The following ATP13A4 variants were observed in gnomAD, a reference collection of about 807,000 sequenced individuals.
The protein encoded by ATP13A4 is ATPase 13A4, also known as probable cation-transporting ATPase 13A4.
A neutral mutation model predicts 142.5 loss-of-function variants in ATP13A4; 114 were observed. The ratio of observed to expected loss-of-function variants is 0.80; its 90% CI spans 0.69 to 0.93. The LOEUF (loss-of-function observed/expected upper bound fraction) is 0.93, where lower values mean the gene tolerates loss of function less well. ATP13A4 is among the 40% of genes least tolerant of loss of function. The pLI is 0.00. For synonymous variants in ATP13A4, 488 were observed against 514.8 expected, an observed-to-expected ratio of 0.95 and a Z score of 0.70; for missense variants, 1,392 against 1,454.0, an observed-to-expected ratio of 0.96 and a Z score of 0.69.
intron 8 of ATP13A4, among the ~76,000 whole-genome samples, chr3:193,478,403 G>A (rs1432540290): frequency 6.6e-6 from 1 of 151,834 alleles, no homozygotes; most frequent in Non-Finnish European, 1.5e-5. Context: ...AAAGAAGACA[G>A]AAGATCCAAA....
chr3:193,438,702 C>A, intron 22 of ATP13A4, 118 bp from the exon 23 acceptor site: 1 of 859,154 alleles, frequency 1.2e-6, no homozygotes, highest in Non-Finnish European at 1.9e-6. Context: ...AAACTCTAAC[C>A]AAGAGACTTA....
At chr3:193,440,676 A>C (rs1168944534) in intron 20 of ATP13A4, 39 bp from the exon 21 acceptor site, 1 of 1,594,942 alleles carries the variant, frequency 6.3e-7, no homozygotes, top group African/African-American at 1.3e-5. Context: ...TTATCAAGTC[A>C]TCTGGTTGTA....
chr3:193,588,316 T>C (rs887040027), intron 1 of ATP13A4, among the ~76,000 whole-genome samples: 5 of 152,184 alleles, frequency 3.3e-5, no homozygotes, highest in Non-Finnish European at 7.3e-5. Context: ...GATTTCTAAC[T>C]GCCACCTGAA....
rs548372202 is a variant in ATP13A4, at chr3:193,454,554, A to T, written c.1916-342T>A. ...AATAAATCACAAGCTCTACACCCAG[A>T]AATAAGACTTTACACCTACAACTAT... is the stretch of plus-strand genomic sequence containing the variant. On this transcript the variant is annotated intron_variant, in intron 16 of 29. Transcript: ENST00000342695. 8.6e-4 allele frequency among the ~76,000 whole-genome samples: 131 copies of T among 152,326 alleles called. 1 individual carries two copies. Among genetic ancestry groups the T allele is most frequent in the Non-Finnish European group, 1.3e-3 (89 of 68,024 alleles).
chr3:193,514,788 C>G lies in ATP13A4; in HGVS notation c.144G>C (p.Leu48Phe). The G allele has an allele frequency of 6.2e-7, 1 of 1,614,156 alleles. No individual in the cohort carries two copies. Residue 48 changes from leucine to phenylalanine, a missense_variant, in exon 2 of 30, where the codon TTG becomes TTC. Leu to Phe is a conservative substitution (Grantham distance 22, BLOSUM62 0). Coordinates refer to ENST00000342695, the MANE Select transcript of ATP13A4 (RefSeq NM_032279.4). Reference sequence around the variant, plus strand: ...GCCATGCTGGTCTCCAGTAAAACACCAAGGGGAGGATTCCAAATGAGAAGA... The same window carrying G: ...GCCATGCTGGTCTCCAGTAAAACACGAAGGGGAGGATTCCAAATGAGAAGA... ...GSIFSFGILP[L>F]VFYWRPAWHV...
At chr3:193,407,527 C>A in intron 28 of ATP13A4, 134 bp from the exon 29 acceptor site, 1 of 569,302 alleles carries the variant, frequency 1.8e-6, no homozygotes, top group Non-Finnish European at 3.1e-6. Flanking sequence ...TTACATATAT[C>A]TTATATATAT....
At chr3:193,571,277 T>TAAAAAAAAAAAAA (rs1577085111) in intron 2 of ATP13A4, among the ~76,000 whole-genome samples, 1 of 55,280 alleles carries the variant, frequency 1.8e-5, no homozygotes, top group African/African-American at 1.6e-4. Context: ...AGACCTTGTC[T>TAAAAAAAAAAAAA]CAAAAAAAAA....
intron 25 of ATP13A4, among the ~76,000 whole-genome samples, chr3:193,433,071 A>G (rs181975262): frequency 5.2e-4 from 79 of 152,326 alleles, no homozygotes; most frequent in African/African-American, 1.8e-3. Flanking sequence ...GCAATTGATG[A>G]CTGAATTAGT....
At position 193,567,765 on chromosome 3, in the gene ATP13A4, A is replaced by G. The variant is rs1026709762; in HGVS notation, n.291+13942T>C. Reference sequence around the variant, plus strand: ...TTCCAGGATTTTTTATCTCAGTGATATCCTTGGTTTCTTTCCTCCCCACCA... The same window carrying G: ...TTCCAGGATTTTTTATCTCAGTGATGTCCTTGGTTTCTTTCCTCCCCACCA... On this transcript the variant is annotated intron_variant and non_coding_transcript_variant, in intron 2 of 3. Transcript: ENST00000489140. Among the ~76,000 whole-genome samples the G allele has an allele frequency of 2.0e-5, 3 of 152,052 alleles. No homozygotes were observed. The South Asian group carries it at 6.3e-4, about 32-fold the overall frequency.
At chr3:193,545,354 C>T (rs1303679707) in intron 1 of ATP13A4, among the ~76,000 whole-genome samples, 1 of 152,104 alleles carries the variant, frequency 6.6e-6, no homozygotes, top group South Asian at 2.1e-4. Flanking sequence ...GGCCTGAGGA[C>T]ATTATATTTC....
At position 193,454,140 on chromosome 3, in the gene ATP13A4, T is replaced by C. The variant is rs746646436; in HGVS notation, c.1988A>G (p.Lys663Arg). The change falls in exon 17 of 30, where the codon AAG becomes AGG. Residue 663 changes from lysine (K) to arginine (R), a missense_variant. Coordinates refer to ENST00000342695, the MANE Select transcript of ATP13A4 (RefSeq NM_032279.4). ...AGCGTGATGGTCATTTTCCAGCTTC[T>C]TGTAGGCCAGTGCTATGACTCGGAA... is the stretch of plus-strand genomic sequence containing the variant. ...QGFRVIALAY[K>R]KLENDHHATT... is the part of the protein sequence containing the mutation. 3.7e-6 allele frequency: 6 copies of C among 1,614,022 alleles called. No individual in the cohort carries two copies. The highest frequency in any genetic ancestry group is 1.1e-5 in the South Asian group (1 of 91,090).
chr3:193,411,077 A>T lies in ATP13A4; in HGVS notation c.3209-7T>A, dbSNP rs1370347587. ...AGCACAAGGACAAATATATCTGAGG[A>T]AATAAGAACACAAGGTATTATTTTG... On this transcript the variant is annotated splice_region_variant and splice_polypyrimidine_tract_variant and intron_variant, in intron 27 of 29. Coordinates refer to ENST00000342695, the MANE Select transcript of ATP13A4 (RefSeq NM_032279.4). 6.4e-7 allele frequency: 1 copy of T among 1,571,422 alleles called. No individual in the cohort carries two copies. Among genetic ancestry groups the T allele is most frequent in the Non-Finnish European group, 8.8e-7 (1 of 1,141,268 alleles).
intron 1 of ATP13A4, among the ~76,000 whole-genome samples, chr3:193,584,502 T>C (rs746649278): frequency 3.3e-5 from 5 of 152,206 alleles, no homozygotes; most frequent in Non-Finnish European, 5.9e-5. Context: ...GAATACCAGC[T>C]GAAATCAATT....
At position 193,438,512 on chromosome 3, in the gene ATP13A4, T is replaced by G; in HGVS notation, c.2635A>C (p.Lys879Gln). Residue 879 changes from lysine to glutamine, a missense_variant, in exon 23 of 30, where the codon AAA becomes CAA. Physicochemically the swap from Lys to Gln is moderately conservative, Grantham distance 53 (BLOSUM62 1). Coordinates refer to ENST00000342695, the MANE Select transcript of ATP13A4 (RefSeq NM_032279.4). ...GGTACGCACTCAATGTTTGGAGTTT[T>G]GGAAGTGAAAGGTGAGGCCACAGAT... The part of the protein sequence containing the change: ...EASVASPFTS[K>Q]TPNIECVPHL... 1 of 1,614,150 alleles carries G rather than the reference T, an allele frequency of 6.2e-7. No homozygotes were observed. The highest frequency in any genetic ancestry group is 8.5e-7 in the Non-Finnish European group (1 of 1,180,002).
intron 2 of ATP13A4, among the ~76,000 whole-genome samples, chr3:193,577,406 C>T (rs1724418854): frequency 6.6e-6 from 1 of 152,202 alleles, no homozygotes; most frequent in South Asian, 2.1e-4. Flanking sequence ...GATGCCTTTT[C>T]ACCTTCTCTT....
intron 7 of ATP13A4, 140 bp downstream of exon 7, chr3:193,489,590 C>T: frequency 1.2e-6 from 1 of 830,902 alleles, no homozygotes; most frequent in Non-Finnish European, 2.0e-6. Context: ...ACACTGGTTA[C>T]TGTGCTAGGT....
At chr3:193,418,054 A>G (rs371742473) in intron 25 of ATP13A4, among the ~76,000 whole-genome samples, 4,273 of 117,752 alleles carry the variant, frequency 0.036, 277 homozygotes, top group South Asian at 0.22. Flanking sequence ...CCCGGGAGGC[A>G]GAGCTTGCAG....
intron 1 of ATP13A4, among the ~76,000 whole-genome samples, chr3:193,517,617 A>G (rs1721490316): frequency 6.6e-6 from 1 of 152,162 alleles, no homozygotes. Flanking sequence ...AGTAGCTGGG[A>G]CTACAGGCGC....
At chr3:193,531,294 G>GGGAA (rs1722305973) in intron 1 of ATP13A4, among the ~76,000 whole-genome samples, 1 of 113,780 alleles carries the variant, frequency 8.8e-6, no homozygotes, top group African/African-American at 3.5e-5. Flanking sequence ...GAGGGAGGGA[G>GGGAA]GGAGGAAGGA....
Sources: gnomAD v4.1 joint callset for allele counts (sites outside exome capture counted in the v4.1 genomes callset) on GRCh38, gnomAD v4.1.1 for gene constraint, MANE v1.5 for transcripts, NCBI Gene and HGNC (gene_info 2026-07-23, HGNC 2026-07-21) for gene names.